Variants in TSHZ2 observed in about 807,000 individuals in gnomAD.
The protein encoded by TSHZ2 is teashirt zinc finger homeobox 2, also known as teashirt homolog 2.
Under a neutral mutation model 74.4 loss-of-function variants are expected in TSHZ2, and 21 were observed. That is an observed-to-expected ratio of 0.28 (90% CI 0.20 to 0.41). The LOEUF (loss-of-function observed/expected upper bound fraction) is 0.41, where lower values mean the gene tolerates loss of function less well. Among genes scored for constraint, TSHZ2 ranks in the 10% least tolerant of loss-of-function variants. TSHZ2 has a pLI of 1.00. For missense variants in TSHZ2, 1,244 were observed against 1,293.5 expected (o/e 0.96, Z 0.59); for synonymous variants, 540 against 515.3 (o/e 1.05, Z -0.65).
chr20:53,122,445 T>C (rs1986837361), intron 1 of TSHZ2, among the ~76,000 whole-genome samples: 1 of 152,166 alleles, frequency 6.6e-6, no homozygotes, highest in Non-Finnish European at 1.5e-5. Context: ...AGACCACTTT[T>C]ATTTTCTAGA....
chr20:53,256,482 G>A lies in TSHZ2; in HGVS notation c.3024G>A (p.Ala1008=), dbSNP rs115470052. 1.3e-3 allele frequency: 2,170 copies of A among 1,613,770 alleles called. 25 individuals carry two copies. In the African/African-American group the frequency reaches 0.025, roughly 19 times the overall value. ...GTCGGACATTTGTGAGCAAACATGC[G>A]GTAAAACTCCACCTAAGCAAAACGC... The part of the protein sequence containing the change: ...LCCRTFVSKH[A]VKLHLSKTHS... The change falls in exon 2 of 3, where the codon GCG becomes GCA. Residue 1008 remains alanine, a synonymous_variant. Transcript: ENST00000371497. This position sits in a 1 kb window ranked among gnomAD's most constrained non-coding sequence, Gnocchi z 4.3.
At chr20:53,348,907 G>C (rs1009849769) in intron 2 of TSHZ2, among the ~76,000 whole-genome samples, 19 of 152,166 alleles carry the variant, frequency 1.2e-4, no homozygotes, top group African/African-American at 3.9e-4. Context: ...TGCCTTCCGA[G>C]CCCCGCAAGG....
chr20:53,184,101 C>A (rs951530961), intron 1 of TSHZ2, among the ~76,000 whole-genome samples: 1 of 152,220 alleles, frequency 6.6e-6, no homozygotes, highest in Admixed American at 6.5e-5. Flanking sequence ...TTCATCCTGC[C>A]ATTTTTCTCT....
intron 1 of TSHZ2, 85 bp from the exon 2 acceptor site, chr20:53,253,414 T>G: frequency 2.0e-6 from 3 of 1,502,956 alleles, no homozygotes; most frequent in Non-Finnish European, 2.6e-6. Context: ...CAGTTCGGCA[T>G]GGGAAGCACT....
intron 2 of TSHZ2, among the ~76,000 whole-genome samples, chr20:53,289,102 T>A (rs1281362870): frequency 1.3e-5 from 2 of 152,216 alleles, no homozygotes; most frequent in African/African-American, 2.4e-5. Context: ...TCACTTAGAA[T>A]AATGGTCTCC....
At chr20:53,121,256 T>C (rs567427117) in intron 1 of TSHZ2, among the ~76,000 whole-genome samples, 1 of 152,192 alleles carries the variant, frequency 6.6e-6, no homozygotes, top group Non-Finnish European at 1.5e-5. Context: ...CCTCAAATTG[T>C]CTTCCTTTAG....
chr20:53,367,117 C>T (rs1416884244), intron 2 of TSHZ2, among the ~76,000 whole-genome samples: 4 of 152,014 alleles, frequency 2.6e-5, no homozygotes, highest in Non-Finnish European at 2.9e-5. Flanking sequence ...TATTCTCAGC[C>T]GGGCGTGGTG....
At position 53,489,179 on chromosome 20, in the gene TSHZ2, G is replaced by A. The variant is rs118104434; in HGVS notation, c.*2044G>A. ...TTTACTCATGGGCATAGGGAATAGC[G>A]GCTCAAATGTAGTTCTGACATGAAA... On this transcript the variant is annotated 3_prime_UTR_variant, in exon 3 of 3. Transcript: ENST00000371497. 160 of 456,204 alleles carry A rather than the reference G, an allele frequency of 3.5e-4. 1 individual carries two copies. In the East Asian group the frequency reaches 8.2e-3, roughly 23 times the overall value. The allele number at this position is 456,204 out of a possible 1,614,324, so 28.3% of individuals were successfully genotyped here. A position where few individuals can be genotyped will look rare whatever the true frequency, so the allele number is the denominator to read the frequency against.
intron 1 of TSHZ2, among the ~76,000 whole-genome samples, chr20:53,180,942 C>T (rs115316961): frequency 7.2e-4 from 109 of 152,118 alleles, no homozygotes; most frequent in African/African-American, 2.5e-3. Flanking sequence ...ATATCCAGAC[C>T]GTCTGGATAG....
chr20:53,415,454 C>T (rs1983203871), intron 2 of TSHZ2, among the ~76,000 whole-genome samples: 1 of 152,064 alleles, frequency 6.6e-6, no homozygotes, highest in Admixed American at 6.5e-5. Flanking sequence ...CCTCTGCTCC[C>T]CACCCCTTCT....
At chr20:53,019,720 T>C (rs1983168843) in intron 1 of TSHZ2, among the ~76,000 whole-genome samples, 1 of 152,194 alleles carries the variant, frequency 6.6e-6, no homozygotes, top group African/African-American at 2.4e-5. Flanking sequence ...CGTTCTTGTT[T>C]GTAAAATGAG....
intron 1 of TSHZ2, among the ~76,000 whole-genome samples, chr20:52,992,125 A>G (rs1032433368): frequency 6.6e-6 from 1 of 152,154 alleles, no homozygotes; most frequent in African/African-American, 2.4e-5. Context: ...ACCCTATTGT[A>G]ATGTCTATTT....
chr20:53,086,764 C>G (rs1228556257), intron 1 of TSHZ2, among the ~76,000 whole-genome samples: 1 of 152,114 alleles, frequency 6.6e-6, no homozygotes, highest in Non-Finnish European at 1.5e-5. Flanking sequence ...ATGGCATGCA[C>G]CATAAGGAGT....
At chr20:53,313,713 G>A (rs1451946576) in intron 2 of TSHZ2, among the ~76,000 whole-genome samples, 7 of 152,212 alleles carry the variant, frequency 4.6e-5, no homozygotes, top group African/African-American at 1.7e-4. Context: ...TTGTTAACCT[G>A]CACAAGCTAC....
intron 2 of TSHZ2, among the ~76,000 whole-genome samples, chr20:53,357,067 G>C (rs971261874): frequency 5.3e-5 from 8 of 151,986 alleles, no homozygotes; most frequent in Non-Finnish European, 8.8e-5. Flanking sequence ...AAACCAAAGG[G>C]ACAGTTCTTC....
chr20:53,159,001 G>A (rs1325647304), intron 1 of TSHZ2, among the ~76,000 whole-genome samples: 6 of 152,166 alleles, frequency 3.9e-5, no homozygotes, highest in Admixed American at 1.3e-4. Flanking sequence ...GGGAAAATTA[G>A]CAGAACTGAC....
chr20:53,210,969 AAG>A (rs1484012035), intron 1 of TSHZ2, among the ~76,000 whole-genome samples: 1 of 151,874 alleles, frequency 6.6e-6, no homozygotes, highest in Non-Finnish European at 1.5e-5. Context: ...TTAGTAATTA[AAG>A]AGAGAGAAAG....
chr20:53,411,127 C>A (rs2145697611), intron 2 of TSHZ2, among the ~76,000 whole-genome samples: 1 of 152,276 alleles, frequency 6.6e-6, no homozygotes, highest in East Asian at 1.9e-4. Flanking sequence ...GGGGTATCTT[C>A]TTCTATAAGA....
intron 2 of TSHZ2, among the ~76,000 whole-genome samples, chr20:53,317,179 G>A (rs1336316123): frequency 1.3e-5 from 2 of 152,174 alleles, no homozygotes; most frequent in Non-Finnish European, 2.9e-5. Context: ...AAAGAAGCTC[G>A]TGTAGTCCAG....
Sources: allele counts gnomAD v4.1 joint callset (sites outside exome capture counted in the v4.1 genomes callset), GRCh38; gene constraint gnomAD v4.1.1; non-coding constraint Gnocchi (gnomAD v3.1); transcripts MANE v1.5; gene names NCBI Gene and HGNC (gene_info 2026-07-23, HGNC 2026-07-21).